The following CEACAM20 variants were observed in gnomAD, a reference collection of about 807,000 sequenced individuals.
CEACAM20 encodes the protein CEA cell adhesion molecule 20.
In CEACAM20, 50 loss-of-function variants were observed where a neutral mutation model predicts 61.2. That is an observed-to-expected ratio of 0.82 (90% CI 0.65 to 1.03). The LOEUF (loss-of-function observed/expected upper bound fraction) is 1.03. CEACAM20 is among the 50% of genes least tolerant of loss of function. The pLI, the probability that CEACAM20 is intolerant of heterozygous loss-of-function variation, is 0.00. For synonymous variants in CEACAM20, 282 were observed against 287.7 expected (o/e 0.98, Z 0.20); for missense variants, 683 against 736.4 (o/e 0.93, Z 0.84).
intron 1 of CEACAM20, among the ~76,000 whole-genome samples, chr19:44,526,381 G>A (rs2357093): frequency 0.53 from 80,427 of 151,666 alleles, 24,005 homozygotes; most frequent in African/African-American, 0.79. Context: ...GTGTTGGCCC[G>A]CATCTGTAGT....
chr19:44,526,891 C>CA (rs150307983), intron 1 of CEACAM20, among the ~76,000 whole-genome samples: 4,040 of 144,092 alleles, frequency 0.028, 66 homozygotes, highest in African/African-American at 0.053. Flanking sequence ...AACAAACAAA[C>CA]AAAAAAAAAA....
chr19:44,524,308 GAACA>G, intron 2 of CEACAM20, 47 bp from the exon 3 acceptor site: 2 of 1,566,086 alleles, frequency 1.3e-6, no homozygotes, highest in Non-Finnish European at 1.7e-6. Context: ...GGTAGAGGAA[GAACA>G]AACAAGACAT....
chr19:44,516,603 G>T (rs1374314031), intron 6 of CEACAM20, among the ~76,000 whole-genome samples: 1 of 152,206 alleles, frequency 6.6e-6, no homozygotes, highest in Non-Finnish European at 1.5e-5. Flanking sequence ...GTGGAACTGT[G>T]AGTCCATTAA....
chr19:44,511,994 G>T (rs780040119), intron 9 of CEACAM20, 23 bp downstream of exon 9: 8 of 1,599,238 alleles, frequency 5.0e-6, no homozygotes, highest in Non-Finnish European at 6.8e-6. Flanking sequence ...ATCAAGGAGG[G>T]TTCCCTCTGC....
At chr19:44,513,063 T>TCC in intron 7 of CEACAM20, 109 bp downstream of exon 7, 1 of 1,303,468 alleles carries the variant, frequency 7.7e-7, no homozygotes, top group Non-Finnish European at 1.1e-6. Context: ...CCCTCTGAAT[T>TCC]CCCCAGGTGC....
chr19:44,524,791 G>A (rs1462476673), intron 2 of CEACAM20, among the ~76,000 whole-genome samples: 1 of 151,822 alleles, frequency 6.6e-6, no homozygotes, highest in Non-Finnish European at 1.5e-5. Flanking sequence ...ATGTTGCCCA[G>A]GTGGGTCTCA....
intron 11 of CEACAM20, among the ~76,000 whole-genome samples, chr19:44,507,877 A>AGAGC (rs746940917): frequency 6.6e-6 from 1 of 152,206 alleles, no homozygotes; most frequent in Non-Finnish European, 1.5e-5. Context: ...CCTGGGTGAA[A>AGAGC]GAGCAATACG....
Position 44,511,012 on chromosome 19 carries a change from A to T in CEACAM20, c.1737+18T>A. On this transcript the variant is annotated intron_variant, in intron 11 of 11. Coordinates refer to ENST00000614924, the MANE Select transcript of CEACAM20 (RefSeq NM_001102597.3). ...CAGATTTCCACCTGTCCAAAGACTC[A>T]GTGTGGCATAAACATACCTCATAGA... The T allele has an allele frequency of 6.2e-7, 1 of 1,613,676 alleles. No homozygotes were observed. The highest frequency in any genetic ancestry group is 8.5e-7 in the Non-Finnish European group (1 of 1,179,708).
At position 44,525,083 on chromosome 19, in the gene CEACAM20, T is replaced by G. The variant is rs1383464536; in HGVS notation, c.196+18A>C. On this transcript the variant is annotated intron_variant, in intron 2 of 11. Transcript: ENST00000614924. Reference sequence around the variant, plus strand: ...GGAGGCAGAGATCAGAATGACCGTCTTGTTTTCTGGCCCCTACCTCTGGAT... The same window carrying G: ...GGAGGCAGAGATCAGAATGACCGTCGTGTTTTCTGGCCCCTACCTCTGGAT... 1 of 1,608,298 alleles carries G rather than the reference T, an allele frequency of 6.2e-7. No homozygotes were observed. The highest frequency in any genetic ancestry group is 8.5e-7 in the Non-Finnish European group (1 of 1,177,608).
At position 44,512,932 on chromosome 19, in the gene CEACAM20, C is replaced by T. The variant is rs1971046119; in HGVS notation, c.1449G>A (p.Glu483=). 1 of 1,613,308 alleles carries T rather than the reference C, an allele frequency of 6.2e-7. No individual in the cohort carries two copies. The highest frequency in any genetic ancestry group is 2.2e-5 in the East Asian group (1 of 44,890). The change falls in exon 8 of 12, where the codon GAG becomes GAA. Residue 483 remains glutamate (E), a synonymous_variant. Transcript: ENST00000614924. ...NARRPSRKTT[E]DPSHETSQPI... ...GTTGTGAGGTCTCATGACTGGGGTC[C>T]TCTGTTGTTTTCCTTGAGGGCCTGA... is the stretch of plus-strand genomic sequence containing the variant.
At chr19:44,529,111 T>C (rs773515559) in intron 1 of CEACAM20, among the ~76,000 whole-genome samples, 3 of 151,268 alleles carry the variant, frequency 2.0e-5, no homozygotes, top group Non-Finnish European at 2.9e-5. Context: ...ACTATAGGAG[T>C]GTACCACCAC....
intron 11 of CEACAM20, among the ~76,000 whole-genome samples, chr19:44,510,632 AAGAG>A (rs1199456124): frequency 1.4e-5 from 2 of 145,330 alleles, no homozygotes; most frequent in Non-Finnish European, 3.1e-5. Context: ...GGAAGAAAGA[AAGAG>A]AAGAAAGAAA....
At chr19:44,517,323 A>T in intron 5 of CEACAM20, 99 bp from the exon 6 acceptor site, 1 of 1,410,284 alleles carries the variant, frequency 7.1e-7, no homozygotes, top group Non-Finnish European at 9.7e-7. Context: ...TAAAATAAAC[A>T]GAACATACTC....
chr19:44,512,993 C>G, intron 7 of CEACAM20, 40 bp from the exon 8 acceptor site: 2 of 1,536,372 alleles, frequency 1.3e-6, no homozygotes, highest in South Asian at 1.2e-5. Flanking sequence ...GCCTCTAGTC[C>G]TTGCCCATCT....
At chr19:44,511,235 C>T (rs556676411) in intron 10 of CEACAM20, 80 bp from the exon 11 acceptor site, 461 of 1,543,154 alleles carry the variant, frequency 3.0e-4, no homozygotes, top group Admixed American at 3.8e-4. Flanking sequence ...CTTCAGGGAC[C>T]GAGAGAGTGG....
In CEACAM20 at chr19:44,517,127, C is replaced by T. The variant is rs1276181057; in HGVS notation, c.1128G>A (p.Trp376Ter). ...ACTCAGCACCTGGCTTGGACTCGGC[C>T]CAACACTGCAGGGTCAGGCTGGAGT... ...ELNSSLTLQC[W>*]AESKPGAEYR... Residue 376 changes from tryptophan to a stop codon, truncating the protein, a stop_gained, in exon 6 of 12, where the codon TGG (tryptophan) becomes TGA (stop). Coordinates refer to ENST00000614924, the MANE Select transcript of CEACAM20 (RefSeq NM_001102597.3). LOFTEE classifies it high-confidence loss of function. The T allele has an allele frequency of 6.2e-7, 1 of 1,613,468 alleles. No homozygotes were observed. The highest frequency in any genetic ancestry group is 8.5e-7 in the Non-Finnish European group (1 of 1,179,812).
rs370186571 is a variant in CEACAM20 at position 44,511,852 on chromosome 19, C to T, written c.1575+165G>A. ...GACGAGGAGAAGAGATGAAAAAACC[C>T]GGGAGGGTCTTGAGATCCTCAGAGA... On this transcript the variant is annotated intron_variant, in intron 9 of 11. Transcript: ENST00000614924. 4.0e-4 allele frequency among the ~76,000 whole-genome samples: 61 copies of T among 152,252 alleles called. No individual in the cohort carries two copies. The East Asian group carries it at 8.7e-3, about 22-fold the overall frequency.
intron 11 of CEACAM20, among the ~76,000 whole-genome samples, chr19:44,508,380 T>C (rs967991948): frequency 6.6e-6 from 1 of 152,104 alleles, no homozygotes; most frequent in African/African-American, 2.4e-5. Context: ...GAACTAATAG[T>C]TTTCTTCTTT....
chr19:44,513,408 C>T, intron 6 of CEACAM20, 119 bp from the exon 7 acceptor site: 6 of 524,804 alleles, frequency 1.1e-5, no homozygotes, highest in South Asian at 7.5e-5. Flanking sequence ...GTTTTCCAGT[C>T]GTTGGGAGGT....
Sources: allele counts gnomAD v4.1 joint callset (sites outside exome capture counted in the v4.1 genomes callset), GRCh38; gene constraint gnomAD v4.1.1; transcripts MANE v1.5; gene names NCBI Gene and HGNC (gene_info 2026-07-23, HGNC 2026-07-21).